Variants in TMEM229B observed in about 807,000 individuals in gnomAD.
TMEM229B encodes chromosome 14 open reading frame 83.
A neutral mutation model predicts 13.7 loss-of-function variants in TMEM229B; 6 were observed. The ratio of observed to expected loss-of-function variants is 0.44; its 90% confidence interval spans 0.24 to 0.86. The LOEUF (loss-of-function observed/expected upper bound fraction) is 0.86. Among genes scored for constraint, TMEM229B ranks in the 40% least tolerant of loss-of-function variants. The pLI, the probability that TMEM229B is intolerant of heterozygous loss-of-function variation, is 0.23. For missense variants in TMEM229B, 170 were observed against 236.0 expected (o/e 0.72, Z 1.83); for synonymous variants, 107 against 102.1 (o/e 1.05, Z -0.29).
chr14:67,515,685 C>T (rs2033184924), upstream of TMEM229B, among the ~76,000 whole-genome samples: 2 of 152,198 alleles, frequency 1.3e-5, no homozygotes, highest in African/African-American at 4.8e-5. Flanking sequence ...CCTAGCCAAC[C>T]CGCCTGCATT....
chr14:67,506,790 C>G (rs2032843279), intron 1 of TMEM229B, among the ~76,000 whole-genome samples: 1 of 152,166 alleles, frequency 6.6e-6, no homozygotes, highest in Non-Finnish European at 1.5e-5. Flanking sequence ...TCGAGACCAT[C>G]CTGGCCAACG....
chr14:67,520,661 G>T (rs546837070), intron 1 of TMEM229B, among the ~76,000 whole-genome samples: 15 of 151,986 alleles, frequency 9.9e-5, no homozygotes, highest in Non-Finnish European at 1.8e-4. Flanking sequence ...AGGTTTTTAT[G>T]TGGACATAAA....
chr14:67,506,795 C>A (rs1051533972), intron 1 of TMEM229B, among the ~76,000 whole-genome samples: 1 of 152,114 alleles, frequency 6.6e-6, no homozygotes, highest in East Asian at 1.9e-4. Context: ...ACCATCCTGG[C>A]CAACGTGGTG....
chr14:67,516,548 C>T (rs1416580657), upstream of TMEM229B, among the ~76,000 whole-genome samples: 1 of 152,198 alleles, frequency 6.6e-6, no homozygotes, highest in Non-Finnish European at 1.5e-5. Flanking sequence ...CTGCTCTTGC[C>T]CCATTCTGGG....
At chr14:67,510,985 A>G (rs2033006017) in intron 1 of TMEM229B, among the ~76,000 whole-genome samples, 1 of 152,170 alleles carries the variant, frequency 6.6e-6, no homozygotes, top group South Asian at 2.1e-4. Flanking sequence ...AGAAGTCTAG[A>G]AAAGAATCCT....
chr14:67,523,702 A>G (rs747084545), intron 1 of TMEM229B, among the ~76,000 whole-genome samples: 1 of 152,258 alleles, frequency 6.6e-6, no homozygotes, highest in Non-Finnish European at 1.5e-5. Flanking sequence ...ATTGACCAGC[A>G]TTTGTAAATA....
intron 1 of TMEM229B, among the ~76,000 whole-genome samples, chr14:67,513,169 G>A (rs931644406): frequency 5.8e-4 from 88 of 152,250 alleles, no homozygotes; most frequent in African/African-American, 1.3e-3. Flanking sequence ...AACATGCCAC[G>A]GAAAAGCCCA....
exon 1 of TMEM229B, chr14:67,515,176 G>C (rs1161244972): frequency 6.6e-6 from 1 of 152,302 alleles, no homozygotes; most frequent in African/African-American, 2.4e-5. Flanking sequence ...TCCAGGGCTG[G>C]CTCCCGCTCC....
intron 2 of TMEM229B, among the ~76,000 whole-genome samples, chr14:67,476,011 G>A (rs543082908): frequency 6.6e-6 from 1 of 152,358 alleles, no homozygotes; most frequent in East Asian, 1.9e-4. Context: ...TCATGTGGAG[G>A]GAGGTGTGGG....
intron 1 of TMEM229B, among the ~76,000 whole-genome samples, chr14:67,500,955 A>G (rs1306366300): frequency 6.6e-6 from 1 of 151,804 alleles, no homozygotes; most frequent in Non-Finnish European, 1.5e-5. Context: ...TAGCTGCATC[A>G]TCTTCCAGAT....
Position 67,473,113 on chromosome 14 carries a change from T to C in TMEM229B, c.*307A>G, listed in dbSNP as rs899081024. 4 of 371,546 alleles carry C rather than the reference T, an allele frequency of 1.1e-5. No homozygotes were observed. The highest frequency in any genetic ancestry group is 2.0e-5 in the Non-Finnish European group (4 of 199,410). 23.0% of individuals were successfully genotyped at this position (371,546 alleles called of 1,614,324 possible). On this transcript the variant is annotated 3_prime_UTR_variant, in exon 3 of 3. Transcript: ENST00000554480. This position sits in a 1 kb window ranked among gnomAD's most constrained non-coding sequence, Gnocchi z 6.5. ...CCTTGGCCAGGACAGGGCCTGCTGCTTCCAAAGTCAACTACATAGTCCATC... is the reference window on the plus strand; with the variant it reads ...CCTTGGCCAGGACAGGGCCTGCTGCCTCCAAAGTCAACTACATAGTCCATC...
At chr14:67,505,251 G>A (rs1318272588) in intron 1 of TMEM229B, among the ~76,000 whole-genome samples, 4 of 152,118 alleles carry the variant, frequency 2.6e-5, no homozygotes, top group Non-Finnish European at 5.9e-5. Context: ...GGAATTTTGG[G>A]GTTGCTGTTA....
Position 67,475,904 on chromosome 14 carries a change from G to A in TMEM229B, c.-18-1963C>T, listed in dbSNP as rs1384366434. 2.6e-5 allele frequency among the ~76,000 whole-genome samples: 4 copies of A among 152,370 alleles called. No individual in the cohort carries two copies. In the East Asian group the frequency reaches 5.8e-4, roughly 22 times the overall value. Reference sequence around the variant, plus strand: ...TGCTCTCATGATCCAACTAGCATGTGAACTCCTTGAGGATAGTGACTGTTG... The same window carrying A: ...TGCTCTCATGATCCAACTAGCATGTAAACTCCTTGAGGATAGTGACTGTTG... On this transcript the variant is annotated intron_variant, in intron 2 of 2. Transcript: ENST00000554480.
chr14:67,521,059 G>C (rs1005072389), intron 1 of TMEM229B, among the ~76,000 whole-genome samples: 1 of 152,210 alleles, frequency 6.6e-6, no homozygotes, highest in Non-Finnish European at 1.5e-5. Context: ...GGCTATGAGA[G>C]AAAGTGAATG....
chr14:67,528,034 A>AT (rs2033393970), intron 1 of TMEM229B, among the ~76,000 whole-genome samples: 2 of 152,206 alleles, frequency 1.3e-5, no homozygotes, highest in Admixed American at 6.5e-5. Context: ...CGGCAAGCAC[A>AT]TGATGAATGT....
intron 1 of TMEM229B, among the ~76,000 whole-genome samples, chr14:67,502,566 C>G (rs1726140010): frequency 6.6e-6 from 1 of 150,656 alleles, no homozygotes; most frequent in African/African-American, 2.4e-5. Context: ...AATTCTCCTG[C>G]CTTAGCCTCC....
chr14:67,491,942 C>T (rs149618448), upstream of TMEM229B, among the ~76,000 whole-genome samples: 761 of 152,318 alleles, frequency 5.0e-3, 2 homozygotes, highest in Non-Finnish European at 7.3e-3. Context: ...GGAGCCAGGC[C>T]CCAACCCCAC....
chr14:67,531,955 C>T (rs2033472390), intron 1 of TMEM229B, among the ~76,000 whole-genome samples: 1 of 148,640 alleles, frequency 6.7e-6, no homozygotes, highest in South Asian at 2.1e-4. Flanking sequence ...TTAATGTCTT[C>T]TTAGCAAAAT....
At chr14:67,514,015 C>G (rs2033115593) in intron 1 of TMEM229B, among the ~76,000 whole-genome samples, 3 of 152,184 alleles carry the variant, frequency 2.0e-5, no homozygotes, top group Admixed American at 2.0e-4. Flanking sequence ...AGAGAGAAAC[C>G]CAGGCCTCTC....
Sources: allele counts gnomAD v4.1 joint callset (sites outside exome capture counted in the v4.1 genomes callset), GRCh38; gene constraint gnomAD v4.1.1; non-coding constraint Gnocchi (gnomAD v3.1); transcripts MANE v1.5; gene names NCBI Gene and HGNC (gene_info 2026-07-23, HGNC 2026-07-21).